OR4F16: variants seen among roughly 807,000 people sequenced by gnomAD.
The protein encoded by OR4F16 is olfactory receptor 4F3/4F16/4F29.
chr1:717,505 GAAAT>G, the OR4F16 span, among the ~76,000 whole-genome samples: 15 of 98,166 alleles, frequency 1.5e-4, no homozygotes, highest in African/African-American at 5.0e-4. Context: ...CCTTCAGGTT[GAAAT>G]AAATGAACTC....
chr1:716,820 AAATT>A, the OR4F16 span, among the ~76,000 whole-genome samples: 1 of 4,396 alleles, frequency 2.3e-4, no homozygotes, highest in East Asian at 4.5e-3. Context: ...ATAAGTAAAT[AAATT>A]AATATACTAG....
At chr1:708,333 TG>T in the OR4F16 span, among the ~76,000 whole-genome samples, 3 of 146,404 alleles carry the variant, frequency 2.0e-5, no homozygotes, top group African/African-American at 5.2e-5. Context: ...ATTTCTAAAA[TG>T]TGTATAGAAG....
the OR4F16 span, among the ~76,000 whole-genome samples, chr1:678,339 TC>T: frequency 3.3e-5 from 4 of 119,786 alleles, 1 homozygote; most frequent in Admixed American, 8.3e-5. Flanking sequence ...CCAGCTAGCA[TC>T]GTAATGACAG....
the OR4F16 span, chr1:701,802 A>G: frequency 6.6e-6 from 1 of 151,402 alleles, no homozygotes; most frequent in African/African-American, 2.4e-5. Flanking sequence ...AGAGAAGCAG[A>G]AAAGATAACT....
chr1:701,615 T>C, the OR4F16 span, among the ~76,000 whole-genome samples: 1 of 150,112 alleles, frequency 6.7e-6, no homozygotes, highest in Non-Finnish European at 1.5e-5. Context: ...AATGATATCA[T>C]GTCTTTTGCT....
chr1:676,705 CCAGT>C, the OR4F16 span, among the ~76,000 whole-genome samples: 1 of 114,676 alleles, frequency 8.7e-6, no homozygotes, highest in Non-Finnish European at 1.6e-5. Context: ...GGCAGCAGCC[CCAGT>C]CAGAGACCTA....
At chr1:676,817 TG>T in the OR4F16 span, among the ~76,000 whole-genome samples, 1 of 120,016 alleles carries the variant, frequency 8.3e-6, no homozygotes, top group Non-Finnish European at 1.6e-5. Context: ...AAAAGCCTGA[TG>T]GCTCTGAAGA....
chr1:690,015 A>G (rs1225335867), upstream of OR4F16, among the ~76,000 whole-genome samples: 1 of 130,392 alleles, frequency 7.7e-6, no homozygotes, highest in Non-Finnish European at 1.5e-5. Flanking sequence ...CCTTTAATAC[A>G]CTCATCTGGG....
the OR4F16 span, among the ~76,000 whole-genome samples, chr1:702,550 T>C: frequency 1.4e-5 from 1 of 71,222 alleles, no homozygotes; most frequent in African/African-American, 5.3e-5. Flanking sequence ...CATGCTCCTT[T>C]TGTGAATCTC....
At chr1:712,605 TAATA>T in the OR4F16 span, among the ~76,000 whole-genome samples, 1 of 147,178 alleles carries the variant, frequency 6.8e-6, no homozygotes, top group Non-Finnish European at 1.5e-5. Context: ...CCTTTAATAA[TAATA>T]AAATCCTTTA....
At chr1:676,768 G>A in the OR4F16 span, among the ~76,000 whole-genome samples, 112 of 121,558 alleles carry the variant, frequency 9.2e-4, 18 homozygotes, top group Middle Eastern at 4.1e-3. Context: ...GGGAAAGGGC[G>A]CCTGTGGGCA....
At chr1:692,485 TTAAA>T in the OR4F16 span, among the ~76,000 whole-genome samples, 1 of 152,136 alleles carries the variant, frequency 6.6e-6, no homozygotes, top group South Asian at 2.1e-4. Flanking sequence ...ATGAGAATTA[TTAAA>T]TAAATTTAGG....
the OR4F16 span, among the ~76,000 whole-genome samples, chr1:716,810 ATAAG>A: frequency 5.8e-4 from 2 of 3,420 alleles, no homozygotes; most frequent in African/African-American, 1.2e-3. Context: ...TTTTTAGAAG[ATAAG>A]TAAATAAATT....
At chr1:701,401 T>C in the OR4F16 span, among the ~76,000 whole-genome samples, 2 of 149,646 alleles carry the variant, frequency 1.3e-5, no homozygotes, top group African/African-American at 2.5e-5. Context: ...GGGAGATTTT[T>C]GGTGTCAACT....
chr1:714,890 TTAGAA>T, the OR4F16 span, among the ~76,000 whole-genome samples: 4 of 133,428 alleles, frequency 3.0e-5, no homozygotes, highest in Admixed American at 7.2e-5. Context: ...CACATTGCAC[TTAGAA>T]TAAAGAGAAA....
At chr1:693,154 AG>A in the OR4F16 span, among the ~76,000 whole-genome samples, 1 of 149,590 alleles carries the variant, frequency 6.7e-6, no homozygotes, top group Non-Finnish European at 1.5e-5. Context: ...TAAACTAGAC[AG>A]AACATCACAG....
At chr1:701,291 A>C in the OR4F16 span, among the ~76,000 whole-genome samples, 1 of 149,718 alleles carries the variant, frequency 6.7e-6, no homozygotes, top group African/African-American at 2.5e-5. Flanking sequence ...GGCTGAGGAA[A>C]ACGCACCAAA....
At chr1:702,021 G>C in the OR4F16 span, 1 of 147,070 alleles carries the variant, frequency 6.8e-6, no homozygotes, top group Non-Finnish European at 1.5e-5. Context: ...ATGAGGCATC[G>C]GGAGTTAGTA....
the OR4F16 span, among the ~76,000 whole-genome samples, chr1:680,124 C>G: frequency 4.7e-5 from 5 of 107,242 alleles, no homozygotes; most frequent in East Asian, 1.4e-3. Context: ...CCACATGCTT[C>G]TCTCAATAGA....
Sources: gnomAD v4.1 joint callset for allele counts (sites outside exome capture counted in the v4.1 genomes callset) on GRCh38, gnomAD v4.1.1 for gene constraint, MANE v1.5 for transcripts, NCBI Gene and HGNC (gene_info 2026-07-23, HGNC 2026-07-21) for gene names.